Variants in FBXO42 observed in about 807,000 individuals in gnomAD.
FBXO42 encodes F-box only protein 42.
In FBXO42, 12 loss-of-function variants were observed where a neutral mutation model predicts 71.7. The observed-to-expected ratio is 0.17, with a 90% CI of 0.11 to 0.27. FBXO42 has a LOEUF of 0.27. FBXO42 is among the 10% of genes least tolerant of loss of function. The pLI, the probability that FBXO42 is intolerant of heterozygous loss-of-function variation, is 1.00. For missense variants in FBXO42, 707 were observed against 911.9 expected, an observed-to-expected ratio of 0.78 and a Z score of 2.89; for synonymous variants, 325 against 327.5, an observed-to-expected ratio of 0.99 and a Z score of 0.08.
intron 1 of FBXO42, among the ~76,000 whole-genome samples, chr1:16,338,697 G>A (rs996352024): frequency 7.9e-5 from 12 of 151,584 alleles, no homozygotes; most frequent in Admixed American, 2.0e-4. Context: ...TCTCTCGGGT[G>A]GCATATAAAC....
rs1277126004 is a variant in FBXO42, at chr1:16,247,165, A to G, written c.*3505T>C. ...CTCTCATTTGACAATGAACACGGTG[A>G]GAGGGAGCCACTTACTGGTAACCAT... On this transcript the variant is annotated 3_prime_UTR_variant, in exon 10 of 10. Transcript: ENST00000375592. 2 of 152,272 alleles carry G rather than the reference A, an allele frequency of 1.3e-5. No individual in the cohort carries two copies. Among genetic ancestry groups the G allele is most frequent in the African/African-American group, 4.8e-5 (2 of 41,450 alleles). 9.4% of individuals were successfully genotyped at this position (152,272 alleles called of 1,614,324 possible). A position where few individuals can be genotyped will look rare whatever the true frequency, so the allele number is the denominator to read the frequency against.
At position 16,255,815 on chromosome 1, in the gene FBXO42, G is replaced by A. The variant is rs539986433; in HGVS notation, c.663C>T (p.Asn221=). Residue 221 remains asparagine (N), a synonymous_variant, in exon 6 of 10, where the codon AAC becomes AAT. Transcript: ENST00000375592. ...GTGGCCCATGGGTTGTCACAATGCA[G>A]TTCCACCTAATGTAAAAAGACAGGA... ...HTYSPSKNWW[N]CIVTTHGPPP... is the part of the protein sequence containing the mutation. The A allele has an allele frequency of 5.6e-5, 90 of 1,611,688 alleles. No individual in the cohort carries two copies. Among genetic ancestry groups the A allele is most frequent in the Middle Eastern group, 5.0e-4 (3 of 6,050 alleles).
At chr1:16,323,279 G>A (rs760498031) in intron 1 of FBXO42, among the ~76,000 whole-genome samples, 6 of 151,820 alleles carry the variant, frequency 4.0e-5, no homozygotes, top group African/African-American at 1.2e-4. Flanking sequence ...TTAGCTGGGC[G>A]TGGTGGTGGG....
chr1:16,315,403 C>T lies in FBXO42; in HGVS notation c.16G>A (p.Asp6Asn). 6.2e-7 allele frequency: 1 copy of T among 1,614,100 alleles called. No homozygotes were observed. The highest frequency in any genetic ancestry group is 1.1e-5 in the South Asian group (1 of 91,058). The change falls in exon 2 of 10, where the codon GAC becomes AAC. Residue 6 changes from aspartate to asparagine, a missense_variant. Coordinates refer to ENST00000375592, the MANE Select transcript of FBXO42 (RefSeq NM_018994.3). ...GCCATGAAACTGTCATCTTCACTGT[C>T]CGAGGAGCTGGCCATGACATTCCAC... is the stretch of plus-strand genomic sequence containing the variant. MASSS[D>N]SEDDSFMAVD...
At chr1:16,313,361 AAAGAAAGAAAGAG>A (rs2082334893) in intron 2 of FBXO42, among the ~76,000 whole-genome samples, 2 of 149,638 alleles carry the variant, frequency 1.3e-5, no homozygotes, top group South Asian at 2.1e-4. Flanking sequence ...AGAAAGAAAG[AAAGAAAGAAAGAG>A]AAAAGAAAGA....
At chr1:16,335,342 C>A (rs547329988) in intron 1 of FBXO42, among the ~76,000 whole-genome samples, 1 of 152,012 alleles carries the variant, frequency 6.6e-6, no homozygotes, top group East Asian at 1.9e-4. Context: ...TTCGCCACAT[C>A]GCCCAGGCTG....
chr1:16,277,553 T>C, intron 4 of FBXO42, among the ~76,000 whole-genome samples: 1 of 150,932 alleles, frequency 6.6e-6, no homozygotes, highest in East Asian at 2.0e-4. Flanking sequence ...GGTGAAACCC[T>C]ATCTCTACTA....
At chr1:16,347,648 A>G (rs1161943739) in intron 1 of FBXO42, among the ~76,000 whole-genome samples, 6 of 152,316 alleles carry the variant, frequency 3.9e-5, no homozygotes, top group African/African-American at 1.4e-4. Flanking sequence ...TGAGATCAGG[A>G]GCTCCAGACC....
intron 4 of FBXO42, among the ~76,000 whole-genome samples, chr1:16,284,814 C>T (rs2082004576): frequency 6.6e-6 from 1 of 152,012 alleles, no homozygotes; most frequent in South Asian, 2.1e-4. Flanking sequence ...CTAAAAAATA[C>T]AAAATTAGCT....
rs768720065 is a variant in FBXO42, at chr1:16,253,684, T to C, written c.815A>G (p.Lys272Arg). 25 of 1,614,104 alleles carry C rather than the reference T, an allele frequency of 1.5e-5. No homozygotes were observed. The highest frequency in any genetic ancestry group is 2.0e-5 in the Non-Finnish European group (24 of 1,180,050). Residue 272 changes from lysine (K) to arginine (R), a missense_variant, in exon 7 of 10, where the codon AAG becomes AGG. Lys to Arg is a conservative substitution (Grantham distance 26, BLOSUM62 2). Coordinates refer to ENST00000375592, the MANE Select transcript of FBXO42 (RefSeq NM_018994.3). Reference protein sequence around the residue: ...VLDLEQWAWSKPNISGPSPHP... With the variant: ...VLDLEQWAWSRPNISGPSPHP... Reference sequence around the variant, plus strand: ...AGGACTGGGGCCAGAGATGTTCGGCTTGGACCACGCCCACTGCTCAAGGTC... The same window carrying C: ...AGGACTGGGGCCAGAGATGTTCGGCCTGGACCACGCCCACTGCTCAAGGTC...
At chr1:16,341,763 G>C (rs1356559417) in intron 1 of FBXO42, among the ~76,000 whole-genome samples, 1 of 151,370 alleles carries the variant, frequency 6.6e-6, no homozygotes, top group African/African-American at 2.4e-5. Context: ...CTGAGGTCAG[G>C]AGTTCGAGAC....
chr1:16,342,207 A>C (rs2082611307), intron 1 of FBXO42, among the ~76,000 whole-genome samples: 1 of 151,634 alleles, frequency 6.6e-6, no homozygotes, highest in African/African-American at 2.4e-5. Flanking sequence ...GACCAGCTTG[A>C]CCAACATGGA....
chr1:16,277,723 CAAA>C (rs552327405), intron 4 of FBXO42, among the ~76,000 whole-genome samples: 1 of 101,804 alleles, frequency 9.8e-6, no homozygotes. Context: ...GATTCTGTCT[CAAA>C]AAAAAAAAAA....
intron 1 of FBXO42, among the ~76,000 whole-genome samples, chr1:16,326,719 G>C (rs1017434085): frequency 4.6e-4 from 70 of 150,934 alleles, no homozygotes; most frequent in Admixed American, 2.7e-3. Flanking sequence ...TTATTCTTGA[G>C]TTAATTCTGA....
intron 1 of FBXO42, among the ~76,000 whole-genome samples, chr1:16,347,374 G>A (rs2082662037): frequency 6.6e-6 from 1 of 151,826 alleles, no homozygotes; most frequent in Non-Finnish European, 1.5e-5. Context: ...AATTAGCCAG[G>A]CATGGTGGTG....
At chr1:16,299,146 G>T (rs1002806417) in intron 3 of FBXO42, among the ~76,000 whole-genome samples, 3 of 151,858 alleles carry the variant, frequency 2.0e-5, no homozygotes, top group Non-Finnish European at 4.4e-5. Context: ...CGAGTAGCTG[G>T]GATTACAGGC....
chr1:16,290,495 C>G (rs1333213922), intron 4 of FBXO42, among the ~76,000 whole-genome samples: 2 of 152,028 alleles, frequency 1.3e-5, no homozygotes, highest in African/African-American at 2.4e-5. Flanking sequence ...AGTTCAAGAC[C>G]AGCCTGGCCA....
intron 1 of FBXO42, among the ~76,000 whole-genome samples, chr1:16,339,960 A>T (rs1480737921): frequency 6.6e-6 from 1 of 152,032 alleles, no homozygotes; most frequent in East Asian, 1.9e-4. Flanking sequence ...CTCAAGAAAA[A>T]ATTTAAAAAG....
chr1:16,283,494 G>GTTTTTTTTTTTTT lies in FBXO42; in HGVS notation c.502+11276_502+11288dup, dbSNP rs386366300. On this transcript the variant is annotated intron_variant, in intron 4 of 9. Transcript: ENST00000375592. ...TTATAGACTCTTCTAACTGTGGCAA[G>GTTTTTTTTTTTTT]TTTTTTTTTTTTTTTTTTTTTTTGA... Among the ~76,000 whole-genome samples the GTTTTTTTTTTTTT allele has an allele frequency of 1.7e-3, 141 of 80,922 alleles. 8 individuals are homozygous for GTTTTTTTTTTTTT. The highest frequency in any genetic ancestry group is 0.011 in the East Asian group (19 of 1,670). The allele number at this position is 80,922 out of a possible 152,430, so 53.1% of individuals were successfully genotyped here. A position where few individuals can be genotyped will look rare whatever the true frequency, so the allele number is the denominator to read the frequency against.
Sources: allele counts gnomAD v4.1 joint callset (sites outside exome capture counted in the v4.1 genomes callset), GRCh38; gene constraint gnomAD v4.1.1; transcripts MANE v1.5; gene names NCBI Gene and HGNC (gene_info 2026-07-23, HGNC 2026-07-21).